ATAD3A: variants seen among roughly 807,000 people sequenced by gnomAD.
ATAD3A encodes the protein ATPase family AAA domain-containing protein 3A.
Under a neutral mutation model 73.8 loss-of-function variants are expected in ATAD3A, and 46 were observed. The observed-to-expected ratio is 0.62, with a 90% CI of 0.49 to 0.80. The LOEUF is 0.80. Among genes scored for constraint, ATAD3A ranks in the 30% least tolerant of loss-of-function variants. The pLI is 0.00. For synonymous variants in ATAD3A, 319 were observed against 350.0 expected (o/e 0.91, Z 0.99); for missense variants, 705 against 838.0 (o/e 0.84, Z 1.96).
Position 1,534,241 on chromosome 1 carries a change from G to A in ATAD3A, c.*169G>A. 6.7e-7 allele frequency: 1 copy of A among 1,496,850 alleles called. No homozygotes were observed. The highest frequency in any genetic ancestry group is 8.9e-7 in the Non-Finnish European group (1 of 1,127,306). 92.7% of individuals were successfully genotyped at this position (1,496,850 alleles called of 1,614,324 possible). A position where few individuals can be genotyped will look rare whatever the true frequency, so the allele number is the denominator to read the frequency against. The stretch of plus-strand genomic sequence containing the variant: ...TGCGGGTCGGCCGTTCTGCCCCCCA[G>A]GGCACCCCCTGTTGTAGGCACTGGC... On this transcript the variant is annotated 3_prime_UTR_variant, in exon 16 of 16. Coordinates refer to ENST00000378756, the MANE Select transcript of ATAD3A (RefSeq NM_001170535.3).
intron 15 of ATAD3A, among the ~76,000 whole-genome samples, chr1:1,533,312 G>T (rs1464665841): frequency 1.3e-5 from 2 of 152,214 alleles, no homozygotes; most frequent in South Asian, 2.1e-4. Flanking sequence ...CACGCCCTTC[G>T]CTGGCATTGG....
At chr1:1,530,416 G>A (rs1641994379) in intron 15 of ATAD3A, among the ~76,000 whole-genome samples, 1 of 152,164 alleles carries the variant, frequency 6.6e-6, no homozygotes, top group Non-Finnish European at 1.5e-5. Flanking sequence ...TGCCTGTAAT[G>A]CCAGCTGCTT....
chr1:1,526,673 C>G, intron 13 of ATAD3A, 142 bp downstream of exon 13: 1 of 1,519,798 alleles, frequency 6.6e-7, no homozygotes, highest in African/African-American at 1.4e-5. Flanking sequence ...CGGATGTCCC[C>G]TGGGAACGGC....
chr1:1,526,136 C>T (rs1641835110), intron 12 of ATAD3A, among the ~76,000 whole-genome samples: 1 of 151,936 alleles, frequency 6.6e-6, no homozygotes. Flanking sequence ...GATTCTCGTG[C>T]CTCAGCCTCC....
chr1:1,521,671 A>G (rs2100661022), intron 7 of ATAD3A, among the ~76,000 whole-genome samples: 1 of 152,378 alleles, frequency 6.6e-6, no homozygotes, highest in Middle Eastern at 3.4e-3. Flanking sequence ...ACGTGAGGAC[A>G]TGACGGAGCT....
chr1:1,524,457 G>A lies in ATAD3A; in HGVS notation c.1214+60G>A. On this transcript the variant is annotated intron_variant, in intron 11 of 15. Coordinates refer to ENST00000378756, the MANE Select transcript of ATAD3A (RefSeq NM_001170535.3). Reference sequence around the variant, plus strand: ...GCTGCGGCCCAGCAGGCTGCCTTCTGGGAAGGGGGTCCAGGTGTCTCTTGG... The same window carrying A: ...GCTGCGGCCCAGCAGGCTGCCTTCTAGGAAGGGGGTCCAGGTGTCTCTTGG... The A allele has an allele frequency of 8.1e-6, 12 of 1,486,836 alleles. No homozygotes were observed. The South Asian group carries it at 1.5e-4, about 18-fold the overall frequency. The allele number at this position is 1,486,836 out of a possible 1,614,324, so 92.1% of individuals were successfully genotyped here.
At position 1,517,422 on chromosome 1, in the gene ATAD3A, C is replaced by G; in HGVS notation, c.384+10C>G. The G allele has an allele frequency of 6.6e-7, 1 of 1,507,330 alleles. No homozygotes were observed. The highest frequency in any genetic ancestry group is 8.9e-7 in the Non-Finnish European group (1 of 1,127,516). The allele number at this position is 1,507,330 out of a possible 1,614,324, so 93.4% of individuals were successfully genotyped here. A position where few individuals can be genotyped will look rare whatever the true frequency, so the allele number is the denominator to read the frequency against. Reference sequence around the variant, plus strand: ...CCGGCAGCACCAGGCCGTAAGAGCGCAAGAGGCCGCGAGGGAGGCCGCCCG... The same window carrying G: ...CCGGCAGCACCAGGCCGTAAGAGCGGAAGAGGCCGCGAGGGAGGCCGCCCG... On this transcript the variant is annotated intron_variant, in intron 3 of 15. Coordinates refer to ENST00000378756, the MANE Select transcript of ATAD3A (RefSeq NM_001170535.3).
chr1:1,526,946 G>T (rs1213359372), intron 13 of ATAD3A, among the ~76,000 whole-genome samples: 1 of 152,140 alleles, frequency 6.6e-6, no homozygotes, highest in African/African-American at 2.4e-5. Context: ...ACACCAGCAG[G>T]TCCTGTGTGT....
intron 5 of ATAD3A, among the ~76,000 whole-genome samples, chr1:1,519,743 GCTTC>G (rs1557462553): frequency 1.4e-5 from 2 of 146,494 alleles, no homozygotes; most frequent in Non-Finnish European, 1.5e-5. Context: ...TGTGAGGGGG[GCTTC>G]CTTCAGAACT....
intron 15 of ATAD3A, among the ~76,000 whole-genome samples, chr1:1,532,693 C>T (rs1287991626): frequency 3.3e-5 from 5 of 152,196 alleles, no homozygotes; most frequent in Non-Finnish European, 7.3e-5. Context: ...TGGGGTGCAG[C>T]CACTCGGGTG....
chr1:1,530,093 C>T lies in ATAD3A; in HGVS notation c.1614+762C>T, dbSNP rs763197592. Among the ~76,000 whole-genome samples, 8 of 152,238 alleles carry T rather than the reference C, an allele frequency of 5.3e-5. No homozygotes were observed. The South Asian group carries it at 6.2e-4, about 12-fold the overall frequency. On this transcript the variant is annotated intron_variant, in intron 15 of 15. Coordinates refer to ENST00000378756, the MANE Select transcript of ATAD3A (RefSeq NM_001170535.3). ...AGTACCTTGATTTGAATGTTGGAGC[C>T]GGGGTTCACAGGGGGCTGTATTAGT...
At chr1:1,525,402 G>A in intron 12 of ATAD3A, 111 bp downstream of exon 12, 1 of 1,121,212 alleles carries the variant, frequency 8.9e-7, no homozygotes, top group Non-Finnish European at 1.3e-6. Flanking sequence ...TAAGCTTTGT[G>A]TGAAAAACAG....
rs975808111 is a variant in ATAD3A at position 1,525,604 on chromosome 1, C to T, written c.1266+313C>T. On this transcript the variant is annotated intron_variant, in intron 12 of 15. Transcript: ENST00000378756. ...TAATTTTTTGTGTTTTTAGCAGAGA[C>T]GGGGTTTCACCGTGTTAGCCAGGAT... Among the ~76,000 whole-genome samples, 7 of 152,128 alleles carry T rather than the reference C, an allele frequency of 4.6e-5. No individual in the cohort carries two copies. The East Asian group carries it at 7.7e-4, about 17-fold the overall frequency.
chr1:1,515,617 C>T (rs900487726), intron 1 of ATAD3A, among the ~76,000 whole-genome samples: 1 of 152,192 alleles, frequency 6.6e-6, no homozygotes, highest in Non-Finnish European at 1.5e-5. Flanking sequence ...CCTTTCTTGC[C>T]TGCATGTGCT....
Position 1,516,015 on chromosome 1 carries a change from A to G in ATAD3A, c.209A>G (p.Tyr70Cys), listed in dbSNP as rs1641342461. The G allele has an allele frequency of 6.2e-7, 1 of 1,613,928 alleles. No homozygotes were observed. The highest frequency in any genetic ancestry group is 1.3e-5 in the African/African-American group (1 of 74,934). ...KAARELEHSRYAKDALNLAQM... is the reference protein window; with the variant it reads ...KAARELEHSRCAKDALNLAQM... ...CTCCGTGTCCTTGCGTCTGCAGGTT[A>G]TGCCAAGGACGCCCTGAATCTGGCA... The change falls in exon 2 of 16, where the codon TAT becomes TGT. Residue 70 changes from tyrosine to cysteine, a missense_variant. Around this residue, in one of 5 missense-constraint regions of ATAD3A, gnomAD observed 125 missense variants for 170.6 expected, o/e 0.73. Transcript: ENST00000378756.
intron 1 of ATAD3A, among the ~76,000 whole-genome samples, chr1:1,513,857 C>G (rs1346756007): frequency 6.6e-6 from 1 of 152,130 alleles, no homozygotes; most frequent in Admixed American, 6.5e-5. Flanking sequence ...GCTCTCCAGG[C>G]AAACGGGCGG....
chr1:1,516,431 A>G (rs1211833412), intron 2 of ATAD3A, among the ~76,000 whole-genome samples: 1 of 151,640 alleles, frequency 6.6e-6, no homozygotes, highest in Non-Finnish European at 1.5e-5. Context: ...TTATTTATTT[A>G]TTTTGAAACG....
chr1:1,527,788 G>A lies in ATAD3A; in HGVS notation c.1431G>A (p.Gly477=), dbSNP rs1269649485. 3.1e-6 allele frequency: 5 copies of A among 1,613,994 alleles called. No homozygotes were observed. Among genetic ancestry groups the A allele is most frequent in the East Asian group, 2.2e-5 (1 of 44,868 alleles). Residue 477 remains glycine, a synonymous_variant, in exon 14 of 16, where the codon GGG becomes GGA. Transcript: ENST00000378756. ...INEMVHFDLP[G]QEERERLVRM... ...AGATGGTCCACTTCGACCTGCCAGG[G>A]CAGGAGGAACGGGAGCGCCTGGTGA...
intron 12 of ATAD3A, among the ~76,000 whole-genome samples, chr1:1,525,631 G>C (rs747846235): frequency 6.6e-6 from 1 of 152,064 alleles, no homozygotes; most frequent in Admixed American, 6.6e-5. Context: ...AGCCAGGATG[G>C]TCTCGATCTC....
Sources: allele counts gnomAD v4.1 joint callset (sites outside exome capture counted in the v4.1 genomes callset), GRCh38; gene constraint gnomAD v4.1.1; regional missense constraint gnomAD v4.1.1; transcripts MANE v1.5; gene names NCBI Gene and HGNC (gene_info 2026-07-23, HGNC 2026-07-21).